Variants in TTN observed in about 807,000 individuals in gnomAD.
TTN encodes the protein connectin.
Under a neutral mutation model 3,223.0 loss-of-function variants are expected in TTN, and 1,525 were observed. The observed-to-expected ratio is 0.47, with a 90% CI of 0.45 to 0.49. TTN has a LOEUF of 0.49. TTN is among the 20% of genes least tolerant of loss of function. The pLI, the probability that TTN is intolerant of heterozygous loss-of-function variation, is 0.00. For synonymous variants in TTN, 14,094 were observed against 15,161.0 expected (o/e 0.93, Z 5.17); for missense variants, 40,786 against 43,424.0 (o/e 0.94, Z 5.40).
At chr2:178,577,955 T>C (rs748301056) in intron 322 of TTN, 33 bp downstream of exon 322, 7 of 1,595,550 alleles carry the variant, frequency 4.4e-6, no homozygotes, top group Admixed American at 1.8e-5. Flanking sequence ...ATGTAAAACA[T>C]GCACCTGGGT....
At chr2:178,619,033 G>T (rs546370568) in intron 250 of TTN, 180 bp from the exon 251 acceptor site, 6 of 795,300 alleles carry the variant, frequency 7.5e-6, no homozygotes, top group African/African-American at 1.8e-5. Context: ...GTTGTTGTGC[G>T]TGCAAATTAG....
intron 44 of TTN, chr2:178,758,740 G>C (rs1355400087): frequency 3.7e-6 from 2 of 539,438 alleles, no homozygotes; most frequent in Non-Finnish European, 6.7e-6. Flanking sequence ...GGTGACAGCA[G>C]CAATACATTA....
In TTN at chr2:178,734,280, G is replaced by A. The variant is rs534701671; in HGVS notation, c.15496+48C>T. 5 of 1,506,796 alleles carry A rather than the reference G, an allele frequency of 3.3e-6. No individual in the cohort carries two copies. The East Asian group carries it at 9.2e-5, about 28-fold the overall frequency. 93.3% of individuals were successfully genotyped at this position (1,506,796 alleles called of 1,614,324 possible). ...AGTTTTTCTTCCATGGGGTAAGAAAGCTAGTTTGACAATTTATTAAAGAGA... is the reference window on the plus strand; with the variant it reads ...AGTTTTTCTTCCATGGGGTAAGAAAACTAGTTTGACAATTTATTAAAGAGA... On this transcript the variant is annotated intron_variant, in intron 52 of 362. Transcript: ENST00000589042.
Position 178,556,458 on chromosome 2 carries a change from A to ACAAACAAAC in TTN, c.88306+389_88306+390insGTTTGTTTG, listed in dbSNP as rs200305114. 1.1e-4 allele frequency: 22 copies of ACAAACAAAC among 203,784 alleles called. No homozygotes were observed. The East Asian group carries it at 2.5e-3, about 23-fold the overall frequency. The allele number at this position is 203,784 out of a possible 1,614,324, so 12.6% of individuals were successfully genotyped here. A position where few individuals can be genotyped will look rare whatever the true frequency, so the allele number is the denominator to read the frequency against. ...AACAAACAAACAAACAAACAAACAA[A>ACAAACAAAC]AAAAAAAAAACCAAAAAATGAAGTC... On this transcript the variant is annotated intron_variant, in intron 330 of 362. Coordinates refer to ENST00000589042, the MANE Select transcript of TTN (RefSeq NM_001267550.2).
rs1302918553 is a variant in TTN at position 178,553,201 on chromosome 2, G to A, written c.89699C>T (p.Pro29900Leu). 7.4e-6 allele frequency: 12 copies of A among 1,613,846 alleles called. No individual in the cohort carries two copies. The highest frequency in any genetic ancestry group is 9.3e-6 in the Non-Finnish European group (11 of 1,179,828). ...NTDSSSLLTI[P>L]QVTRNDTGKY... The stretch of plus-strand genomic sequence containing the variant: ...TCCTGTATCATTGCGAGTAACTTGA[G>A]GAATGGTGAGTAATGAGGATGAATC... Residue 29900 changes from proline to leucine, a missense_variant, in exon 335 of 363, where the codon CCT becomes CTT. Coordinates refer to ENST00000589042, the MANE Select transcript of TTN (RefSeq NM_001267550.2).
chr2:178,651,375 A>G, intron 207 of TTN, 55 bp from the exon 208 acceptor site: 3 of 1,604,052 alleles, frequency 1.9e-6, no homozygotes, highest in East Asian at 2.2e-5. Context: ...AACATTCATC[A>G]CATTTACACA....
At chr2:178,586,410 C>G in intron 308 of TTN, 95 bp downstream of exon 308, 1 of 1,461,954 alleles carries the variant, frequency 6.8e-7, no homozygotes, top group Non-Finnish European at 9.3e-7. Flanking sequence ...TCAAGAATTT[C>G]TAGAGCTAGA....
rs779833666 is a variant in TTN at position 178,565,945 on chromosome 2, C to T, written c.80187G>A (p.Ala26729=). 89 of 1,613,496 alleles carry T rather than the reference C, an allele frequency of 5.5e-5. No homozygotes were observed. The highest frequency in any genetic ancestry group is 6.7e-5 in the Non-Finnish European group (79 of 1,179,662). Residue 26729 remains alanine, a synonymous_variant, in exon 326 of 363, where the codon GCG becomes GCA. Transcript: ENST00000589042. ...TGCATTTACTACTCACATTAGCATA[C>T]GCTTTTCTGGTTGACTCACGTTTGT... ...VIDKRESTRK[A]YANVSSKCSK... is the part of the protein sequence containing the mutation.
chr2:178,741,712 C>T lies in TTN; in HGVS notation c.11521G>A (p.Val3841Ile), dbSNP rs755132807. 2.4e-5 allele frequency: 38 copies of T among 1,613,616 alleles called. No individual in the cohort carries two copies. Among genetic ancestry groups the T allele is most frequent in the Middle Eastern group, 1.6e-4 (1 of 6,084 alleles). The stretch of plus-strand genomic sequence containing the variant: ...GGTTTGGGGATGCCAATGACAGTTA[C>T]AGACAGTGTAGCCACATCCCCCATG... ...ISMGDVATLS[V>I]TVIGIPKPKI... The change falls in exon 48 of 363, where the codon GTA becomes ATA. Residue 3841 changes from valine to isoleucine, a missense_variant. Physicochemically the swap from Val to Ile is conservative, Grantham distance 29. Transcript: ENST00000589042.
At position 178,621,523 on chromosome 2, in the gene TTN, T is replaced by G. The variant is rs879050695; in HGVS notation, c.45301A>C (p.Asn15101His). The change falls in exon 245 of 363, where the codon AAC becomes CAC. Residue 15101 changes from asparagine to histidine, a missense_variant. Physicochemically the swap from Asn to His is moderately conservative, Grantham distance 68. Transcript: ENST00000589042. The part of the protein sequence containing the change: ...NAHLEDAGNY[N>H]CRLPSSRTDG... ...GTTCGAGAGCTTGGGAGTCGACAGT[T>G]GTAGTTGCCAGCATCCTCAAGGTGA... 3.1e-6 allele frequency: 5 copies of G among 1,612,446 alleles called. No individual in the cohort carries two copies. The highest frequency in any genetic ancestry group is 4.2e-6 in the Non-Finnish European group (5 of 1,179,074).
intron 34 of TTN, chr2:178,770,950 G>A: frequency 1.3e-6 from 1 of 766,988 alleles, no homozygotes. Context: ...ATTGGAGAAG[G>A]GTGAAAGACG....
At position 178,577,182 on chromosome 2, in the gene TTN, A is replaced by G; in HGVS notation, c.69153T>C (p.Asn23051=). ...TAAGTGTTGCTTTTTCAGCAGAAAC[A>G]TTACTGATTTCAACAGGACCTGGGG... The part of the protein sequence containing the change: ...PGPPGPVEIS[N]VSAEKATLTW... Residue 23051 remains asparagine (N), a synonymous_variant, in exon 324 of 363, where the codon AAT becomes AAC. Coordinates refer to ENST00000589042, the MANE Select transcript of TTN (RefSeq NM_001267550.2). 1 of 1,612,970 alleles carries G rather than the reference A, an allele frequency of 6.2e-7. No homozygotes were observed. The highest frequency in any genetic ancestry group is 8.5e-7 in the Non-Finnish European group (1 of 1,179,428).
chr2:178,712,257 G>C, intron 95 of TTN, 35 bp from the exon 96 acceptor site: 1 of 1,609,634 alleles, frequency 6.2e-7, no homozygotes, highest in East Asian at 2.2e-5. Context: ...CAGTCATGAA[G>C]GAGACATGCC....
Position 178,764,257 on chromosome 2 carries a change from G to C in TTN, c.10034C>G (p.Pro3345Arg). The change falls in exon 43 of 363, where the codon CCT (proline) becomes CGT (arginine). Residue 3345 changes from proline (P) to arginine (R), a missense_variant. Physicochemically the swap from Pro to Arg is moderately radical, Grantham distance 103. Transcript: ENST00000589042. ...GTCCTGAAGCGGGGTGATGATGGCA[G>C]GTGGATAAACAGGCATTTCCTGATC... The part of the protein sequence containing the change: ...SPDQEMPVYP[P>R]AIITPLQDTV... 1 of 1,614,090 alleles carries C rather than the reference G, an allele frequency of 6.2e-7. No individual in the cohort carries two copies. The highest frequency in any genetic ancestry group is 8.5e-7 in the Non-Finnish European group (1 of 1,179,972).
intron 115 of TTN, 28 bp from the exon 116 acceptor site, chr2:178,694,934 A>G: frequency 1.4e-6 from 2 of 1,468,266 alleles, no homozygotes; most frequent in Non-Finnish European, 1.9e-6. Context: ...AAATTGCAGT[A>G]CTTTTAGAAT....
chr2:178,667,217 C>T lies in TTN; in HGVS notation c.35797+19G>A, dbSNP rs1156437772. ...CAGTATATTTTCTTCTTTAGATTTT[C>T]CTAACTAGAGAATTATACCTTCAGT... On this transcript the variant is annotated intron_variant, in intron 162 of 362. Transcript: ENST00000589042. The T allele has an allele frequency of 1.0e-5, 16 of 1,570,910 alleles. No individual in the cohort carries two copies. Among genetic ancestry groups the T allele is most frequent in the Non-Finnish European group, 1.4e-5 (16 of 1,156,252 alleles).
At chr2:178,546,944 C>G (rs761976199) in intron 340 of TTN, 39 bp from the exon 341 acceptor site, 1 of 1,578,098 alleles carries the variant, frequency 6.3e-7, no homozygotes, top group South Asian at 1.2e-5. Flanking sequence ...ATATACCACT[C>G]TGAGTTCTAC....
intron 344 of TTN, among the ~76,000 whole-genome samples, 187 bp downstream of exon 344, chr2:178,545,201 G>T (rs1696496826): frequency 6.6e-6 from 1 of 151,986 alleles, no homozygotes; most frequent in African/African-American, 2.4e-5. Flanking sequence ...AATTCTAATT[G>T]CTAACTTAAC....
At chr2:178,646,905 TAAA>T (rs1461655283) in intron 215 of TTN, among the ~76,000 whole-genome samples, 156 bp downstream of exon 215, 2 of 152,052 alleles carry the variant, frequency 1.3e-5, no homozygotes, top group South Asian at 2.1e-4. Flanking sequence ...GATTCTAACT[TAAA>T]AGAAGTGTAA....
Sources: allele counts gnomAD v4.1 joint callset (sites outside exome capture counted in the v4.1 genomes callset), GRCh38; gene constraint gnomAD v4.1.1; transcripts MANE v1.5; gene names NCBI Gene and HGNC (gene_info 2026-07-23, HGNC 2026-07-21).